Variants in STOX2 observed in about 807,000 individuals in gnomAD.
STOX2 encodes the protein storkhead box 2, also known as storkhead-box protein 2.
Under a neutral mutation model 60.9 loss-of-function variants are expected in STOX2, and 28 were observed. That is an observed-to-expected ratio of 0.46 (90% CI 0.34 to 0.63). The LOEUF (loss-of-function observed/expected upper bound fraction) is 0.63, where lower values mean the gene tolerates loss of function less well. Among genes scored for constraint, STOX2 ranks in the 30% least tolerant of loss-of-function variants. The probability of loss-of-function intolerance (pLI) is 0.01; values close to 1 mark genes in which losing one functional copy is unlikely to be tolerated. For missense variants in STOX2, 1,024 were observed against 1,187.7 expected (o/e 0.86, Z 2.03); for synonymous variants, 472 against 463.9 (o/e 1.02, Z -0.22).
rs34402224 is a variant in STOX2, at chr4:184,009,136, GTTTTTTTT to G, written c.320-11_320-4del. 1,694 of 716,630 alleles carry G rather than the reference GTTTTTTTT, an allele frequency of 2.4e-3. 6 individuals are homozygous for G. Among genetic ancestry groups the G allele is most frequent in the Non-Finnish European group, 3.3e-3 (1,526 of 463,178 alleles). 44.4% of individuals were successfully genotyped at this position (716,630 alleles called of 1,614,324 possible). On this transcript the variant is annotated splice_polypyrimidine_tract_variant and intron_variant, in intron 2 of 3. Coordinates refer to ENST00000308497, the MANE Select transcript of STOX2 (RefSeq NM_020225.3). This position sits in a 1 kb window ranked among gnomAD's most constrained non-coding sequence, Gnocchi z 4.0. ...TGTTCTGTCTTCATTCTCACAAGTG[GTTTTTTTT>G]TTTTTTTTTTCAGGTGTTCCAACGC...
Position 184,010,947 on chromosome 4 carries a change from G to A in STOX2, c.2109G>A (p.Leu703=). ...KRKEIFSKDT[L]FKPLHSTLSV... ...AAGAGATATTTAGCAAAGACACACT[G>A]TTCAAACCTCTTCACAGCACCTTGT... The change falls in exon 3 of 4, where the codon CTG becomes CTA. Residue 703 remains leucine (L), a synonymous_variant. Transcript: ENST00000308497. The surrounding 1 kb of genome is among the most constrained non-coding windows in gnomAD (Gnocchi z 4.5). The A allele has an allele frequency of 6.2e-7, 1 of 1,613,482 alleles. No homozygotes were observed. The highest frequency in any genetic ancestry group is 8.5e-7 in the Non-Finnish European group (1 of 1,179,646).
intron 1 of STOX2, among the ~76,000 whole-genome samples, chr4:183,860,010 A>C (rs1740393982): frequency 6.6e-6 from 1 of 152,206 alleles, no homozygotes; most frequent in Non-Finnish European, 1.5e-5. Context: ...TATTAAAACT[A>C]GTCAAAAAGC....
At chr4:183,855,813 G>A (rs1249821102) in intron 1 of STOX2, among the ~76,000 whole-genome samples, 1 of 152,234 alleles carries the variant, frequency 6.6e-6, no homozygotes, top group East Asian at 1.9e-4. Flanking sequence ...TGATTCGTCT[G>A]GAAGCGTGCA....
rs754145560 is a variant in STOX2, at chr4:184,010,010, T to A, written c.1172T>A (p.Ile391Asn). Residue 391 changes from isoleucine (I) to asparagine (N), a missense_variant, in exon 3 of 4, where the codon ATC (isoleucine) becomes AAC (asparagine). Physicochemically the swap from Ile to Asn is moderately radical, Grantham distance 149 (BLOSUM62 -3). Coordinates refer to ENST00000308497, the MANE Select transcript of STOX2 (RefSeq NM_020225.3). The surrounding 1 kb of genome is among the most constrained non-coding windows in gnomAD (Gnocchi z 4.5). ...GDPSDGSHLDIPAEREYDFCD... is the reference protein window; with the variant it reads ...GDPSDGSHLDNPAEREYDFCD... ...CCTTCCGACGGTTCACATCTGGATA[T>A]CCCAGCTGAAAGAGAGTATGACTTT... 3.1e-6 allele frequency: 5 copies of A among 1,613,842 alleles called. No individual in the cohort carries two copies.
chr4:183,980,270 G>A (rs1414579119), intron 1 of STOX2, among the ~76,000 whole-genome samples: 1 of 152,206 alleles, frequency 6.6e-6, no homozygotes, highest in African/African-American at 2.4e-5. Flanking sequence ...TAGGAGAGTA[G>A]AAGTTTATGG....
At chr4:183,999,166 C>T (rs777870083) in intron 1 of STOX2, among the ~76,000 whole-genome samples, 5 of 152,138 alleles carry the variant, frequency 3.3e-5, no homozygotes, top group Non-Finnish European at 5.9e-5. Context: ...TGTTCTAGGC[C>T]GTTGGAAACT....
At chr4:183,813,450 T>C (rs1214372596) in intron 1 of STOX2, among the ~76,000 whole-genome samples, 2 of 152,152 alleles carry the variant, frequency 1.3e-5, no homozygotes, top group African/African-American at 2.4e-5. Context: ...GTATTATGGG[T>C]AAGCTAGAGA....
chr4:183,916,788 T>C (rs971706186), intron 1 of STOX2, among the ~76,000 whole-genome samples: 2 of 152,190 alleles, frequency 1.3e-5, no homozygotes, highest in African/African-American at 4.8e-5. Context: ...GAGTTTTACT[T>C]TGCAACCGTG....
In STOX2 at chr4:184,017,391, T is replaced by A; in HGVS notation, c.*107T>A. The A allele has an allele frequency of 8.5e-7, 1 of 1,172,306 alleles. No homozygotes were observed. The highest frequency in any genetic ancestry group is 1.2e-6 in the Non-Finnish European group (1 of 849,678). 72.6% of individuals were successfully genotyped at this position (1,172,306 alleles called of 1,614,324 possible). A position where few individuals can be genotyped will look rare whatever the true frequency, so the allele number is the denominator to read the frequency against. On this transcript the variant is annotated 3_prime_UTR_variant, in exon 4 of 4. Coordinates refer to ENST00000308497, the MANE Select transcript of STOX2 (RefSeq NM_020225.3). ...AGACAAGCATCTCAACCACAGTTTT[T>A]GTGTTTACTTAAACTGTGCTGCTAA... is the stretch of plus-strand genomic sequence containing the variant.
chr4:183,831,989 CT>C (rs11310177), intron 1 of STOX2, among the ~76,000 whole-genome samples: 11,708 of 135,708 alleles, frequency 0.086, 1,245 homozygotes, highest in African/African-American at 0.27. Flanking sequence ...TCTTCTTCTT[CT>C]TTTTTTTTTT....
At chr4:183,885,150 C>CT (rs1207629959) in intron 1 of STOX2, among the ~76,000 whole-genome samples, 1 of 152,162 alleles carries the variant, frequency 6.6e-6, no homozygotes, top group Non-Finnish European at 1.5e-5. Flanking sequence ...TTTCCTCCTA[C>CT]TCCCCCATCA....
chr4:183,852,755 T>C (rs914138939), intron 1 of STOX2, among the ~76,000 whole-genome samples: 1 of 152,226 alleles, frequency 6.6e-6, no homozygotes, highest in African/African-American at 2.4e-5. Context: ...TTTAAACCTA[T>C]TTAATAAAAC....
chr4:183,820,501 A>T lies in STOX2; in HGVS notation c.364+22446A>T, dbSNP rs1560830764. Among the ~76,000 whole-genome samples the T allele has an allele frequency of 3.9e-5, 6 of 152,208 alleles. No individual in the cohort carries two copies. The South Asian group carries it at 1.2e-3, about 31-fold the overall frequency. ...CTTTAAAAGCTGCAGGGTCTCAGAC[A>T]AGTGGCTCTCCTATTGGAGGATTCA... On this transcript the variant is annotated intron_variant, in intron 1 of 2. Transcript: ENST00000513034.
At chr4:183,818,563 G>A (rs937530975) in intron 1 of STOX2, among the ~76,000 whole-genome samples, 3 of 152,118 alleles carry the variant, frequency 2.0e-5, no homozygotes, top group African/African-American at 4.8e-5. Flanking sequence ...TTTTCTATTC[G>A]ACAAAACCGC....
chr4:183,828,019 G>A (rs901367001), intron 1 of STOX2, among the ~76,000 whole-genome samples: 6 of 152,064 alleles, frequency 3.9e-5, no homozygotes, highest in African/African-American at 1.4e-4. Flanking sequence ...TTTCTCTGAT[G>A]TTTGCATAAA....
At chr4:183,924,759 G>A (rs1007322685) in intron 1 of STOX2, among the ~76,000 whole-genome samples, 1 of 152,160 alleles carries the variant, frequency 6.6e-6, no homozygotes, top group Non-Finnish European at 1.5e-5. Context: ...GACAGGGCCA[G>A]AATGTTGAGG....
Position 183,986,175 on chromosome 4 carries a change from A to G in STOX2, c.167-15150A>G, listed in dbSNP as rs141752404. Among the ~76,000 whole-genome samples, 3 of 152,376 alleles carry G rather than the reference A, an allele frequency of 2.0e-5. No individual in the cohort carries two copies. The East Asian group carries it at 5.8e-4, about 29-fold the overall frequency. On this transcript the variant is annotated intron_variant, in intron 1 of 3. Transcript: ENST00000308497. ...ACTTGAAGAAAAGGGATGAGAATGT[A>G]TAAATAAAAATGTAGTCATAATTTC...
intron 1 of STOX2, among the ~76,000 whole-genome samples, chr4:183,937,397 G>A (rs966955130): frequency 6.6e-6 from 1 of 152,198 alleles, no homozygotes; most frequent in African/African-American, 2.4e-5. Flanking sequence ...GAGAGAAGAC[G>A]TGTCTTCTTC....
chr4:183,916,055 C>T (rs1282020045), intron 1 of STOX2, among the ~76,000 whole-genome samples: 2 of 152,246 alleles, frequency 1.3e-5, no homozygotes, highest in African/African-American at 4.8e-5. Flanking sequence ...GGCCAGAGAC[C>T]TGGGTTCCAC....
Sources: allele counts gnomAD v4.1 joint callset (sites outside exome capture counted in the v4.1 genomes callset), GRCh38; gene constraint gnomAD v4.1.1; non-coding constraint Gnocchi (gnomAD v3.1); transcripts MANE v1.5; gene names NCBI Gene and HGNC (gene_info 2026-07-23, HGNC 2026-07-21).